The following ORC1 variants were observed in gnomAD, a reference collection of about 807,000 sequenced individuals.
ORC1 encodes origin recognition complex, subunit 1 homolog.
Under a neutral mutation model 98.9 loss-of-function variants are expected in ORC1, and 61 were observed. That is an observed-to-expected ratio of 0.62 (90% confidence interval 0.50 to 0.76). ORC1 has a LOEUF of 0.76. Ranked by LOEUF, ORC1 falls within the 30% of genes least tolerant of loss-of-function variation. ORC1 has a pLI of 0.00. For missense variants in ORC1, 979 were observed against 1,072.2 expected (o/e 0.91, Z 1.21); for synonymous variants, 385 against 406.9 (o/e 0.95, Z 0.65).
At chr1:52,387,666 C>A (rs1380546375) in intron 8 of ORC1, among the ~76,000 whole-genome samples, 1 of 152,130 alleles carries the variant, frequency 6.6e-6, no homozygotes, top group Non-Finnish European at 1.5e-5. Context: ...CCATTGTTGG[C>A]CAGGCTGGTC....
chr1:52,375,407 G>T, intron 15 of ORC1, 23 bp downstream of exon 15: 1 of 1,610,528 alleles, frequency 6.2e-7, no homozygotes, highest in East Asian at 2.2e-5. Context: ...TTCCAGGAAG[G>T]CTCAGGAAGT....
chr1:52,399,809 T>TCTCACACA (rs1553148710), intron 3 of ORC1, among the ~76,000 whole-genome samples: 9 of 146,044 alleles, frequency 6.2e-5, no homozygotes, highest in African/African-American at 2.3e-4. Context: ...TCTGTCACTG[T>TCTCACACA]CACACACACA....
At chr1:52,408,383 G>T (rs529036685), upstream of ORC1, 1 of 736,076 alleles carries the variant, frequency 1.4e-6, no homozygotes, top group East Asian at 2.7e-5. Context: ...TGGTAGCATG[G>T]GAACTTGAAC....
chr1:52,388,414 A>G (rs1255810276), intron 8 of ORC1, 28 bp downstream of exon 8: 12 of 1,581,522 alleles, frequency 7.6e-6, no homozygotes, highest in Non-Finnish European at 1.0e-5. Context: ...GGATGCTTCA[A>G]TGGGAAGTAA....
At chr1:52,374,939 T>C (rs1434316796) in intron 15 of ORC1, 42 bp from the exon 16 acceptor site, 4 of 1,255,276 alleles carry the variant, frequency 3.2e-6, no homozygotes, top group Non-Finnish European at 4.7e-6. Context: ...TCAGTGGCTG[T>C]AACCCCAGCC....
Position 52,397,684 on chromosome 1 carries a change from C to T in ORC1, c.402+1G>A. On this transcript the variant is annotated splice_donor_variant, in intron 4 of 16. Coordinates refer to ENST00000371568, the MANE Select transcript of ORC1 (RefSeq NM_004153.4). LOFTEE classifies it high-confidence loss of function. Reference sequence around the variant, plus strand: ...GAACCAAGGATGGTGGCATCACCTACCCGAACAAGGCCAATGATGGTCTCC... The same window carrying T: ...GAACCAAGGATGGTGGCATCACCTATCCGAACAAGGCCAATGATGGTCTCC... 6.2e-7 allele frequency: 1 copy of T among 1,614,072 alleles called. No individual in the cohort carries two copies. Among genetic ancestry groups the T allele is most frequent in the Non-Finnish European group, 8.5e-7 (1 of 1,179,928 alleles).
intron 5 of ORC1, among the ~76,000 whole-genome samples, chr1:52,394,895 C>T (rs1234793766): frequency 6.6e-6 from 1 of 152,188 alleles, no homozygotes; most frequent in Non-Finnish European, 1.5e-5. Flanking sequence ...GTTGATCCAC[C>T]CGCCTCGGCC....
chr1:52,408,327 A>G (rs543781090), upstream of ORC1: 37 of 633,056 alleles, frequency 5.8e-5, 1 homozygote, highest in South Asian at 5.4e-4. Flanking sequence ...TACTGATGAT[A>G]TATTTGAAAG....
chr1:52,391,181 C>T (rs974872033), intron 6 of ORC1, among the ~76,000 whole-genome samples: 31 of 150,406 alleles, frequency 2.1e-4, no homozygotes, highest in African/African-American at 7.3e-4. Flanking sequence ...TAGTGGCTCG[C>T]GCTGGTAGTC....
In ORC1 at chr1:52,375,579, A is replaced by C. The variant is rs775998471; in HGVS notation, c.2154T>G (p.Asp718Glu). The C allele has an allele frequency of 7.4e-6, 12 of 1,613,920 alleles. No homozygotes were observed. The highest frequency in any genetic ancestry group is 4.0e-5 in the African/African-American group (3 of 74,918). Residue 718 changes from aspartate to glutamate, a missense_variant, in exon 15 of 17, where the codon GAT (aspartate) becomes GAG (glutamate). Physicochemically the swap from Asp to Glu is conservative, Grantham distance 45. Coordinates refer to ENST00000371568, the MANE Select transcript of ORC1 (RefSeq NM_004153.4). ...TGCAGATGTCCAGGCACCGTCGTGC[A>C]TCTCCAGACAGTGCTGCTACCTACA... ...VARKVAALSGDARRCLDICRR... is the reference protein window; with the variant it reads ...VARKVAALSGEARRCLDICRR...
intron 1 of ORC1, among the ~76,000 whole-genome samples, chr1:52,403,394 T>G (rs1280879519): frequency 9.9e-5 from 15 of 152,188 alleles, no homozygotes; most frequent in Admixed American, 9.8e-4. Context: ...CAAGCAAAAT[T>G]TTGCATTCAA....
intron 10 of ORC1, 96 bp from the exon 11 acceptor site, chr1:52,384,817 CCGAG>C: frequency 2.6e-6 from 3 of 1,132,520 alleles, no homozygotes; most frequent in Non-Finnish European, 3.9e-6. Context: ...GAGGGAAGGA[CCGAG>C]ACCCTTGAAA....
chr1:52,381,517 T>A (rs1647069425), intron 14 of ORC1, 125 bp downstream of exon 14: 16 of 1,013,834 alleles, frequency 1.6e-5, no homozygotes, highest in Non-Finnish European at 2.2e-5. Context: ...TCTTGTCTTT[T>A]TTGATATTTT....
chr1:52,395,336 G>A (rs1463546939), intron 5 of ORC1, among the ~76,000 whole-genome samples: 1 of 152,148 alleles, frequency 6.6e-6, no homozygotes, highest in Non-Finnish European at 1.5e-5. Flanking sequence ...CGAAACATAG[G>A]AAAGATAAAC....
At chr1:52,383,287 G>A (rs1319197598) in intron 13 of ORC1, 133 bp downstream of exon 13, 6 of 972,362 alleles carry the variant, frequency 6.2e-6, no homozygotes, top group Non-Finnish European at 9.8e-6. Context: ...GACCTCAAGT[G>A]ATCCGCCCGC....
In ORC1 at chr1:52,374,842, G is replaced by A. The variant is rs1326632894; in HGVS notation, c.2359C>T (p.Arg787Ter). The A allele has an allele frequency of 8.7e-6, 14 of 1,613,694 alleles. No individual in the cohort carries two copies. The highest frequency in any genetic ancestry group is 1.7e-5 in the Admixed American group (1 of 59,990). ...FLRAILAEFR[R>*]SGLEEATFQQ... is the part of the protein sequence containing the mutation. ...AACGTGGCTTCCTCCAGTCCTGATCGACGGAACTCTGCGAGGATGGCTCTC... is the reference window on the plus strand; with the variant it reads ...AACGTGGCTTCCTCCAGTCCTGATCAACGGAACTCTGCGAGGATGGCTCTC... Residue 787 changes from arginine to a stop codon, truncating the protein, a stop_gained, in exon 16 of 17, where the codon CGA becomes TGA. Coordinates refer to ENST00000371568, the MANE Select transcript of ORC1 (RefSeq NM_004153.4). LOFTEE classifies it high-confidence loss of function.
chr1:52,374,634 A>C (rs1646971101), intron 16 of ORC1, among the ~76,000 whole-genome samples, 176 bp downstream of exon 16: 1 of 152,230 alleles, frequency 6.6e-6, no homozygotes, highest in Admixed American at 6.5e-5. Flanking sequence ...CCAGTCGCTA[A>C]AGGTCTCTTC....
Position 52,384,650 on chromosome 1 carries a change from T to G in ORC1, c.1655A>C (p.Gln552Pro), listed in dbSNP as rs1488853192. 1.2e-6 allele frequency: 2 copies of G among 1,612,378 alleles called. No homozygotes were observed. Among genetic ancestry groups the G allele is most frequent in the Non-Finnish European group, 1.7e-6 (2 of 1,178,420 alleles). The change falls in exon 11 of 17, where the codon CAG becomes CCG. Residue 552 changes from glutamine to proline, a missense_variant. Transcript: ENST00000371568. ...AACATCATTGGCTTGGGCTGCCTGC[T>G]GCAGGCAGCGTATCACTTCATGAAC... ...ATVHEVIRCLQQAAQANDVPP... is the reference protein window; with the variant it reads ...ATVHEVIRCLPQAAQANDVPP...
Position 52,383,550 on chromosome 1 carries a change from T to C in ORC1, c.1883A>G (p.His628Arg), listed in dbSNP as rs1647101228. ...GAGATTGTACATTATGTCTTGTTTG[T>C]GAGTCCACAGAAGGTCGAGCTGCCA... is the stretch of plus-strand genomic sequence containing the variant. Reference protein sequence around the residue: ...LVDELDLLWTHKQDIMYNLFD... With the variant: ...LVDELDLLWTRKQDIMYNLFD... Residue 628 changes from histidine to arginine, a missense_variant, in exon 13 of 17, where the codon CAC becomes CGC. By Grantham distance (29) the His-to-Arg change is conservative. Transcript: ENST00000371568. 3 of 1,614,056 alleles carry C rather than the reference T, an allele frequency of 1.9e-6. No individual in the cohort carries two copies. Among genetic ancestry groups the C allele is most frequent in the Non-Finnish European group, 2.5e-6 (3 of 1,180,032 alleles).
Sources: allele counts gnomAD v4.1 joint callset (sites outside exome capture counted in the v4.1 genomes callset), GRCh38; gene constraint gnomAD v4.1.1; transcripts MANE v1.5; gene names NCBI Gene and HGNC (gene_info 2026-07-23, HGNC 2026-07-21).